Variants in CSMD2 observed in about 807,000 individuals in gnomAD.
The protein encoded by CSMD2 is CUB and sushi domain-containing protein 2.
CSMD2 carries 130 observed loss-of-function variants against 398.5 expected under a neutral mutation model. The observed-to-expected ratio is 0.33, with a 90% confidence interval of 0.28 to 0.38. CSMD2 has a LOEUF of 0.38. Ranked by LOEUF, CSMD2 falls within the 10% of genes least tolerant of loss-of-function variation. CSMD2 has a pLI of 1.00. For synonymous variants in CSMD2, 1,828 were observed against 1,908.5 expected, an observed-to-expected ratio of 0.96 and a Z score of 1.10; for missense variants, 3,829 against 4,764.9, an observed-to-expected ratio of 0.80 and a Z score of 5.78.
chr1:33,657,342 C>T (rs566684427), intron 27 of CSMD2, among the ~76,000 whole-genome samples: 1 of 152,148 alleles, frequency 6.6e-6, no homozygotes, highest in Non-Finnish European at 1.5e-5. Flanking sequence ...GGTGTGGTGG[C>T]ACAGGCCTGC....
chr1:33,798,027 C>A (rs1655148114), intron 10 of CSMD2, among the ~76,000 whole-genome samples: 1 of 152,218 alleles, frequency 6.6e-6, no homozygotes, highest in Non-Finnish European at 1.5e-5. Context: ...GTTCAACATA[C>A]ACAATGCTGC....
At chr1:34,092,665 C>G (rs879372491) in intron 1 of CSMD2, among the ~76,000 whole-genome samples, 1 of 152,122 alleles carries the variant, frequency 6.6e-6, no homozygotes, top group African/African-American at 2.4e-5. Flanking sequence ...CCTGGAGAAT[C>G]GGGTCACTCC....
rs1029638982 is a variant in CSMD2, at chr1:33,989,947, C to T, written c.517+42647G>A. 4.6e-5 allele frequency among the ~76,000 whole-genome samples: 7 copies of T among 152,214 alleles called. No homozygotes were observed. In the South Asian group the frequency reaches 8.3e-4, roughly 18 times the overall value. ...AGATGGATGCATGAACTTGTGAAAACGCACCAAACTGTACACTCCAAAATG... is the reference window on the plus strand; with the variant it reads ...AGATGGATGCATGAACTTGTGAAAATGCACCAAACTGTACACTCCAAAATG... On this transcript the variant is annotated intron_variant, in intron 3 of 70. Transcript: ENST00000373381.
chr1:33,875,397 TG>T (rs1640767737), intron 5 of CSMD2: 1 of 152,198 alleles, frequency 6.6e-6, no homozygotes. Flanking sequence ...TGACATGTTT[TG>T]GGCGTTTACT....
rs750389901 is a variant in CSMD2 at position 33,739,267 on chromosome 1, G to A, written c.2241C>T (p.Leu747=). 3 of 1,614,112 alleles carry A rather than the reference G, an allele frequency of 1.9e-6. No homozygotes were observed. The highest frequency in any genetic ancestry group is 2.5e-6 in the Non-Finnish European group (3 of 1,180,040). Residue 747 remains leucine (L), a synonymous_variant, in exon 15 of 71, where the codon CTC becomes CTT. Coordinates refer to ENST00000373381, the MANE Select transcript of CSMD2 (RefSeq NM_001281956.2). ...PVNGKRFGDS[L]QLGSSISFLC... ...GGAAGGAGATGGAGCTGCCCAGCTG[G>A]AGGCTGTCCCCAAACCGTTTGCCAT...
Position 33,772,651 on chromosome 1 carries a change from C to T in CSMD2, c.1764G>A (p.Gln588=). Residue 588 remains glutamine, a synonymous_variant, in exon 13 of 71, where the codon CAG becomes CAA. Coordinates refer to ENST00000373381, the MANE Select transcript of CSMD2 (RefSeq NM_001281956.2). ...HHGDTLKFEC[Q]PAFELVGQKA... The stretch of plus-strand genomic sequence containing the variant: ...TCTGTCCCACCAGCTCAAAGGCGGG[C>T]TGGCACTCAAACTTGAGTGTGTCAC... 6.2e-7 allele frequency: 1 copy of T among 1,614,170 alleles called. No homozygotes were observed. Among genetic ancestry groups the T allele is most frequent in the Non-Finnish European group, 8.5e-7 (1 of 1,180,022 alleles).
chr1:34,020,063 TAAAC>T (rs973872981), intron 3 of CSMD2, among the ~76,000 whole-genome samples: 2 of 152,104 alleles, frequency 1.3e-5, no homozygotes, highest in Non-Finnish European at 2.9e-5. Context: ...AGCAAATAAA[TAAAC>T]AGTCATAGCA....
At chr1:33,575,781 C>T (rs1385954864) in intron 49 of CSMD2, among the ~76,000 whole-genome samples, 1 of 152,184 alleles carries the variant, frequency 6.6e-6, no homozygotes, top group Non-Finnish European at 1.5e-5. Flanking sequence ...TCACTGTGAC[C>T]TTTGCTTAGG....
In CSMD2 at chr1:33,832,759, C is replaced by T. The variant is rs1160650085; in HGVS notation, c.1034-6985G>A. Among the ~76,000 whole-genome samples, 11 of 150,874 alleles carry T rather than the reference C, an allele frequency of 7.3e-5. No homozygotes were observed. The South Asian group carries it at 2.1e-3, about 29-fold the overall frequency. ...CAAAATTGATAGACCGCTAGCAAGA[C>T]TAATAAAGAAGAAAAGAGAGAAGAA... On this transcript the variant is annotated intron_variant, in intron 6 of 70. Coordinates refer to ENST00000373381, the MANE Select transcript of CSMD2 (RefSeq NM_001281956.2).
intron 25 of CSMD2, among the ~76,000 whole-genome samples, chr1:33,692,382 T>C (rs1223535054): frequency 6.6e-6 from 1 of 152,188 alleles, no homozygotes; most frequent in Non-Finnish European, 1.5e-5. Context: ...ATTTTAAAGA[T>C]GAGGAAACAG....
intron 3 of CSMD2, among the ~76,000 whole-genome samples, chr1:34,005,033 C>G (rs573284978): frequency 6.6e-6 from 1 of 152,330 alleles, no homozygotes; most frequent in Non-Finnish European, 1.5e-5. Context: ...GAATCCCCCA[C>G]CACTTTCCAT....
chr1:33,958,939 T>TA (rs1347767973), intron 3 of CSMD2, among the ~76,000 whole-genome samples: 1 of 152,218 alleles, frequency 6.6e-6, no homozygotes, highest in Non-Finnish European at 1.5e-5. Context: ...GTGGATATGA[T>TA]ACCCCTCTGC....
chr1:33,645,191 C>G (rs1643347957), intron 29 of CSMD2, among the ~76,000 whole-genome samples: 1 of 152,068 alleles, frequency 6.6e-6, no homozygotes, highest in African/African-American at 2.4e-5. Flanking sequence ...AAGTGGGGAA[C>G]ATGAGCCAGA....
At chr1:34,115,388 T>G (rs918926697) in intron 1 of CSMD2, among the ~76,000 whole-genome samples, 2 of 152,106 alleles carry the variant, frequency 1.3e-5, no homozygotes, top group African/African-American at 4.8e-5. Context: ...CATAAGATTA[T>G]CAGCAGATTT....
chr1:33,608,690 G>A (rs970965542), intron 41 of CSMD2, among the ~76,000 whole-genome samples: 1 of 152,180 alleles, frequency 6.6e-6, no homozygotes, highest in Admixed American at 6.5e-5. Flanking sequence ...AGAGGTCGGG[G>A]TGATACTTCT....
Position 33,555,187 on chromosome 1 carries a change from G to T in CSMD2, c.8743+2547C>A, listed in dbSNP as rs568343745. Among the ~76,000 whole-genome samples the T allele has an allele frequency of 2.6e-5, 4 of 152,280 alleles. No individual in the cohort carries two copies. The South Asian group carries it at 8.3e-4, about 32-fold the overall frequency. Reference sequence around the variant, plus strand: ...GATTGCACCCCTCACACATGACTTGGAGGGGTTCAAGACTTCAGTGGAGGA... The same window carrying T: ...GATTGCACCCCTCACACATGACTTGTAGGGGTTCAAGACTTCAGTGGAGGA... On this transcript the variant is annotated intron_variant, in intron 55 of 70. Transcript: ENST00000373381.
intron 1 of CSMD2, among the ~76,000 whole-genome samples, chr1:34,110,035 T>A: frequency 1.2e-5 from 1 of 82,320 alleles, no homozygotes. Flanking sequence ...AACGAGACTC[T>A]GTCTCAAAAA....
intron 5 of CSMD2, among the ~76,000 whole-genome samples, chr1:33,874,527 G>C (rs1640699592): frequency 1.3e-5 from 2 of 152,188 alleles, no homozygotes; most frequent in Non-Finnish European, 2.9e-5. Context: ...GTGTGGAAGG[G>C]ACATGTATTT....
intron 5 of CSMD2, among the ~76,000 whole-genome samples, chr1:33,874,452 T>C (rs1340065602): frequency 6.6e-6 from 1 of 152,252 alleles, no homozygotes; most frequent in African/African-American, 2.4e-5. Context: ...GCATGTTTTT[T>C]CTTCTGTCCT....
Sources: gnomAD v4.1 joint callset for allele counts (sites outside exome capture counted in the v4.1 genomes callset) on GRCh38, gnomAD v4.1.1 for gene constraint, MANE v1.5 for transcripts, NCBI Gene and HGNC (gene_info 2026-07-23, HGNC 2026-07-21) for gene names.